The following OXR1 variants were observed in gnomAD, a reference collection of about 807,000 sequenced individuals.
OXR1 encodes oxidation resistance protein 1.
OXR1 carries 41 observed loss-of-function variants against 104.6 expected under a neutral mutation model. The observed-to-expected ratio is 0.39, with a 90% CI of 0.31 to 0.51. OXR1 has a LOEUF of 0.51. Ranked by LOEUF, OXR1 falls within the 20% of genes least tolerant of loss-of-function variation. The pLI, the probability that OXR1 is intolerant of heterozygous loss-of-function variation, is 0.77. For synonymous variants in OXR1, 348 were observed against 348.4 expected, an observed-to-expected ratio of 1.00 and a Z score of 0.01; for missense variants, 955 against 1,031.9, an observed-to-expected ratio of 0.93 and a Z score of 1.02.
chr8:106,595,291 C>A (rs1819430528), intron 3 of OXR1, among the ~76,000 whole-genome samples: 1 of 150,088 alleles, frequency 6.7e-6, no homozygotes, highest in African/African-American at 2.5e-5. Context: ...CTGGCTCACG[C>A]CTGTAATCCC....
At chr8:106,727,032 A>G (rs2131496692) in intron 11 of OXR1, among the ~76,000 whole-genome samples, 1 of 152,280 alleles carries the variant, frequency 6.6e-6, no homozygotes, top group Admixed American at 6.5e-5. Flanking sequence ...CCGCCCTTAA[A>G]TGTTAAGTGT....
At chr8:106,701,850 A>G (rs1024340359) in intron 7 of OXR1, among the ~76,000 whole-genome samples, 30 of 152,274 alleles carry the variant, frequency 2.0e-4, no homozygotes, top group African/African-American at 7.2e-4. Flanking sequence ...AAAGCATGGT[A>G]CATATAAAGT....
At chr8:106,581,100 C>T in intron 3 of OXR1, 1 of 1,223,346 alleles carries the variant, frequency 8.2e-7, no homozygotes, top group East Asian at 5.8e-5. Context: ...AAATATGGTG[C>T]TATTCAAAGA....
Position 106,692,806 on chromosome 8 carries a change from A to G in OXR1, c.604A>G (p.Thr202Ala), listed in dbSNP as rs761275661. ...GIRPARVVSS[T>A]SEEEEAFTEK... ...TCGACCTGCACGAGTTGTATCTTCA[A>G]CTTCTGAGGAGGAGGAAGCATTTAC... The change falls in exon 7 of 17, where the codon ACT (threonine) becomes GCT (alanine). Residue 202 changes from threonine (T) to alanine (A), a missense_variant. Thr to Ala is a moderately conservative substitution (Grantham distance 58). Around this residue, in one of 2 missense-constraint regions of OXR1, gnomAD observed 849 missense variants for 852.9 expected, o/e 1.00. Transcript: ENST00000517566. 1.9e-6 allele frequency: 3 copies of G among 1,606,038 alleles called. No homozygotes were observed. The highest frequency in any genetic ancestry group is 1.3e-5 in the African/African-American group (1 of 74,804).
At chr8:106,635,373 G>A (rs757945283) in intron 3 of OXR1, among the ~76,000 whole-genome samples, 1 of 152,116 alleles carries the variant, frequency 6.6e-6, no homozygotes, top group African/African-American at 2.4e-5. Flanking sequence ...GTATATTATA[G>A]AGCTTTTCAT....
chr8:106,312,486 C>T (rs1259986782), intron 1 of OXR1, among the ~76,000 whole-genome samples: 1 of 152,240 alleles, frequency 6.6e-6, no homozygotes, highest in East Asian at 1.9e-4. Flanking sequence ...CTATTAATTA[C>T]AGAGATAGGC....
At chr8:106,455,644 T>C (rs1189946149) in intron 2 of OXR1, among the ~76,000 whole-genome samples, 1 of 152,130 alleles carries the variant, frequency 6.6e-6, no homozygotes, top group African/African-American at 2.4e-5. Flanking sequence ...CCTAGAGCAG[T>C]GTTACTGAAA....
At chr8:106,295,450 T>A (rs924784355) in intron 1 of OXR1, among the ~76,000 whole-genome samples, 3 of 152,274 alleles carry the variant, frequency 2.0e-5, no homozygotes, top group Non-Finnish European at 2.9e-5. Context: ...TGTATACATA[T>A]AATAACCTCA....
chr8:106,417,151 T>A (rs1308188401), intron 2 of OXR1, among the ~76,000 whole-genome samples: 1 of 152,154 alleles, frequency 6.6e-6, no homozygotes, highest in Non-Finnish European at 1.5e-5. Flanking sequence ...CTGCCTTATA[T>A]CAGCTGTGTG....
At chr8:106,662,607 G>A (rs1293144435) in intron 3 of OXR1, among the ~76,000 whole-genome samples, 1 of 152,134 alleles carries the variant, frequency 6.6e-6, no homozygotes, top group Admixed American at 6.5e-5. Context: ...ACCCTATGAG[G>A]TAATTAATAG....
At chr8:106,350,789 A>G (rs1815691080) in intron 1 of OXR1, among the ~76,000 whole-genome samples, 1 of 152,222 alleles carries the variant, frequency 6.6e-6, no homozygotes, top group Admixed American at 6.5e-5. Flanking sequence ...AGAGAGACAC[A>G]TATCTGTGTT....
chr8:106,750,188 A>G (rs542230563), intron 16 of OXR1, among the ~76,000 whole-genome samples: 5 of 151,800 alleles, frequency 3.3e-5, no homozygotes, highest in African/African-American at 7.2e-5. Flanking sequence ...AAAAATACCC[A>G]AAGAAAAACT....
chr8:106,556,739 G>T (rs1563603432), intron 3 of OXR1, among the ~76,000 whole-genome samples: 1 of 152,176 alleles, frequency 6.6e-6, no homozygotes, highest in East Asian at 1.9e-4. Flanking sequence ...TATGCAAGAT[G>T]ACCAGCTAAT....
chr8:106,718,561 C>T (rs540860609), intron 11 of OXR1, among the ~76,000 whole-genome samples: 8 of 152,050 alleles, frequency 5.3e-5, no homozygotes, highest in South Asian at 2.1e-4. Flanking sequence ...TGGTGTGGGT[C>T]GGGCGTGGTG....
intron 2 of OXR1, among the ~76,000 whole-genome samples, chr8:106,383,626 C>T (rs1236059144): frequency 6.6e-6 from 1 of 152,020 alleles, no homozygotes. Context: ...CACTTTTGCC[C>T]AAAAGATAAA....
At chr8:106,518,528 C>T (rs755880933) in intron 2 of OXR1, among the ~76,000 whole-genome samples, 1 of 152,130 alleles carries the variant, frequency 6.6e-6, no homozygotes, top group Admixed American at 6.6e-5. Context: ...CAGAAAAACA[C>T]TGGCAGCCTC....
At chr8:106,598,432 C>T (rs899056173) in intron 3 of OXR1, among the ~76,000 whole-genome samples, 4 of 152,190 alleles carry the variant, frequency 2.6e-5, no homozygotes, top group African/African-American at 7.2e-5. Context: ...GTGGGCCTCT[C>T]TAAAACTCCT....
chr8:106,620,230 C>G (rs369158427), intron 3 of OXR1, among the ~76,000 whole-genome samples: 137 of 152,190 alleles, frequency 9.0e-4, no homozygotes, highest in African/African-American at 3.2e-3. Context: ...TTCTTTGATT[C>G]TAAGATGTAC....
chr8:106,496,796 G>T (rs1456282700), intron 2 of OXR1, among the ~76,000 whole-genome samples: 2 of 152,178 alleles, frequency 1.3e-5, no homozygotes, highest in Admixed American at 1.3e-4. Flanking sequence ...TCGCACTTAT[G>T]ATTCCCTTGC....
Sources: allele counts gnomAD v4.1 joint callset (sites outside exome capture counted in the v4.1 genomes callset), GRCh38; gene constraint gnomAD v4.1.1; regional missense constraint gnomAD v4.1.1; transcripts MANE v1.5; gene names NCBI Gene and HGNC (gene_info 2026-07-23, HGNC 2026-07-21).